AFG1L: variants seen among roughly 807,000 people sequenced by gnomAD.
AFG1L encodes AFG1-like ATPase.
AFG1L carries 53 observed loss-of-function variants against 62.2 expected under a neutral mutation model. That is an observed-to-expected ratio of 0.85 (90% confidence interval 0.68 to 1.07). The LOEUF (loss-of-function observed/expected upper bound fraction) is 1.07. Among genes scored for constraint, AFG1L ranks in the 50% least tolerant of loss-of-function variants. AFG1L has a pLI of 0.00. For synonymous variants in AFG1L, 228 were observed against 210.3 expected (o/e 1.08, Z -0.73); for missense variants, 555 against 590.5 (o/e 0.94, Z 0.62).
intron 7 of AFG1L, among the ~76,000 whole-genome samples, chr6:108,403,461 C>G (rs1462022906): frequency 6.6e-6 from 1 of 152,066 alleles, no homozygotes; most frequent in Admixed American, 6.6e-5. Flanking sequence ...TTTCCTTGAC[C>G]AATTTTAGGT....
intron 1 of AFG1L, among the ~76,000 whole-genome samples, chr6:108,317,238 C>T (rs1429700143): frequency 6.6e-6 from 1 of 152,174 alleles, no homozygotes; most frequent in Admixed American, 6.5e-5. Context: ...AAGAGTTTAA[C>T]TGATGCAAGG....
At chr6:108,346,051 A>G (rs769871393) in intron 2 of AFG1L, among the ~76,000 whole-genome samples, 1 of 152,208 alleles carries the variant, frequency 6.6e-6, no homozygotes, top group Non-Finnish European at 1.5e-5. Context: ...GAGGGGATGT[A>G]CATTCAAGTT....
At chr6:108,456,566 A>G (rs1397678807) in intron 8 of AFG1L, among the ~76,000 whole-genome samples, 1 of 152,054 alleles carries the variant, frequency 6.6e-6, no homozygotes, top group Non-Finnish European at 1.5e-5. Flanking sequence ...TTAGAGTTGT[A>G]CTACCATCAC....
At chr6:108,411,172 C>A (rs558440000) in intron 7 of AFG1L, among the ~76,000 whole-genome samples, 17 of 152,218 alleles carry the variant, frequency 1.1e-4, no homozygotes, top group African/African-American at 3.9e-4. Flanking sequence ...GCTAGCACAG[C>A]AGTCTGAGAT....
At chr6:108,415,376 C>G (rs1049231313) in intron 7 of AFG1L, among the ~76,000 whole-genome samples, 2 of 152,114 alleles carry the variant, frequency 1.3e-5, no homozygotes, top group Non-Finnish European at 2.9e-5. Flanking sequence ...CAATGCCACC[C>G]CATCAAGCTA....
chr6:108,364,573 C>T (rs1255726915), intron 5 of AFG1L, among the ~76,000 whole-genome samples: 1 of 152,044 alleles, frequency 6.6e-6, no homozygotes, highest in Non-Finnish European at 1.5e-5. Context: ...TTCATTGATA[C>T]TGTTCTTTTA....
At chr6:108,326,677 G>A (rs967123538) in intron 2 of AFG1L, among the ~76,000 whole-genome samples, 1 of 151,942 alleles carries the variant, frequency 6.6e-6, no homozygotes, top group Admixed American at 6.6e-5. Context: ...AATGAATGAG[G>A]GGCCAGACGC....
intron 10 of AFG1L, among the ~76,000 whole-genome samples, chr6:108,494,681 A>T (rs538715497): frequency 5.1e-4 from 77 of 152,098 alleles, no homozygotes; most frequent in Non-Finnish European, 8.8e-4. Context: ...GAGATTTCTC[A>T]TATTGAGGTG....
chr6:108,464,600 C>T (rs1248334886), intron 8 of AFG1L, among the ~76,000 whole-genome samples: 1 of 152,020 alleles, frequency 6.6e-6, no homozygotes, highest in Non-Finnish European at 1.5e-5. Context: ...AGTGGTACTA[C>T]TCAATAGAAA....
At chr6:108,371,092 T>C (rs1189587579) in intron 6 of AFG1L, among the ~76,000 whole-genome samples, 3 of 152,200 alleles carry the variant, frequency 2.0e-5, no homozygotes, top group Non-Finnish European at 4.4e-5. Flanking sequence ...TCATGCCTTG[T>C]TTGGGTCCAA....
At chr6:108,295,546 A>T (rs1307814382) in intron 1 of AFG1L, among the ~76,000 whole-genome samples, 1 of 151,596 alleles carries the variant, frequency 6.6e-6, no homozygotes, top group Non-Finnish European at 1.5e-5. Flanking sequence ...GGGGACCCCT[A>T]CCCTCTGCGT....
intron 11 of AFG1L, among the ~76,000 whole-genome samples, chr6:108,518,506 G>C (rs1275656511): frequency 7.5e-6 from 1 of 133,592 alleles, no homozygotes; most frequent in Non-Finnish European, 1.6e-5. Flanking sequence ...GTTGTGGGGT[G>C]GGGGGAGGGG....
chr6:108,442,674 A>G (rs73517913), intron 7 of AFG1L, among the ~76,000 whole-genome samples: 6,957 of 152,242 alleles, frequency 0.046, 519 homozygotes, highest in African/African-American at 0.16. Flanking sequence ...TATGCTAATC[A>G]AATTCAGAAT....
At chr6:108,309,240 G>A (rs1245910985) in intron 1 of AFG1L, among the ~76,000 whole-genome samples, 1 of 152,294 alleles carries the variant, frequency 6.6e-6, no homozygotes, top group East Asian at 1.9e-4. Context: ...AGTTGATCCA[G>A]CAACATTTTT....
chr6:108,311,391 C>T (rs1239453028), intron 1 of AFG1L, among the ~76,000 whole-genome samples: 1 of 152,232 alleles, frequency 6.6e-6, no homozygotes, highest in Non-Finnish European at 1.5e-5. Flanking sequence ...AGATTACTAG[C>T]TTTGGCCCTG....
At chr6:108,405,925 T>C (rs1310148216) in intron 7 of AFG1L, among the ~76,000 whole-genome samples, 2 of 152,240 alleles carry the variant, frequency 1.3e-5, no homozygotes, top group African/African-American at 4.8e-5. Context: ...GCACATTGTC[T>C]CCAAAGTTTA....
intron 6 of AFG1L, among the ~76,000 whole-genome samples, chr6:108,399,477 C>T (rs548919413): frequency 2.2e-4 from 33 of 151,782 alleles, no homozygotes; most frequent in Admixed American, 4.6e-4. Context: ...TGCACCACAG[C>T]GCCTGGCCAT....
At chr6:108,337,139 G>A (rs981833740) in intron 2 of AFG1L, among the ~76,000 whole-genome samples, 2 of 152,176 alleles carry the variant, frequency 1.3e-5, no homozygotes, top group Non-Finnish European at 2.9e-5. Flanking sequence ...GATTACAAGT[G>A]CAAGATATGA....
chr6:108,482,330 A>T (rs80225290), intron 10 of AFG1L, among the ~76,000 whole-genome samples: 5,740 of 152,284 alleles, frequency 0.038, 142 homozygotes, highest in Non-Finnish European at 0.056. Context: ...CTAACAGTTT[A>T]AAAATGACCT....
Sources: allele counts gnomAD v4.1 joint callset (sites outside exome capture counted in the v4.1 genomes callset), GRCh38; gene constraint gnomAD v4.1.1; transcripts MANE v1.5; gene names NCBI Gene and HGNC (gene_info 2026-07-23, HGNC 2026-07-21).